Variants in COL4A3 observed in about 807,000 individuals in gnomAD.
COL4A3 encodes collagen type IV alpha 3 chain, also known as collagen alpha-3(IV) chain.
A neutral mutation model predicts 217.4 loss-of-function variants in COL4A3; 135 were observed. The observed-to-expected ratio is 0.62, with a 90% CI of 0.54 to 0.72. The LOEUF is 0.72. Among genes scored for constraint, COL4A3 ranks in the 30% least tolerant of loss-of-function variants. COL4A3 has a pLI of 0.00. For synonymous variants in COL4A3, 690 were observed against 736.3 expected (o/e 0.94, Z 1.02); for missense variants, 1,868 against 2,119.9 (o/e 0.88, Z 2.33).
At position 227,282,287 on chromosome 2, in the gene COL4A3, T is replaced by C. The variant is rs1052769608; in HGVS notation, c.2489-78T>C. 6.2e-5 allele frequency: 38 copies of C among 609,534 alleles called. No homozygotes were observed. The African/African-American group carries it at 7.9e-4, about 13-fold the overall frequency. The allele number at this position is 609,534 out of a possible 1,614,324, so 37.8% of individuals were successfully genotyped here. ...ATTCCATCTTAAAAATATATATATA[T>C]ATATATATATATATTTCTGAAGTTA... On this transcript the variant is annotated intron_variant, in intron 31 of 51. Transcript: ENST00000396578. This position sits in a 1 kb window ranked among gnomAD's most constrained non-coding sequence, Gnocchi z 4.4.
intron 2 of COL4A3, among the ~76,000 whole-genome samples, chr2:227,239,708 G>A (rs534048084): frequency 1.3e-3 from 204 of 152,262 alleles, no homozygotes; most frequent in Non-Finnish European, 6.6e-4. Flanking sequence ...AACCTGCCTG[G>A]TGGCGTTCTT....
chr2:227,297,798 C>A lies in COL4A3; in HGVS notation c.3690C>A (p.Pro1230=). ...GATTCCCAGGGCCACCAGGTCTGCC[C>A]GGTGCAATTATCCCTGGCCAGACAG... ...IEGFPGPPGL[P]GAIIPGQTGN... is the part of the protein sequence containing the mutation. The change falls in exon 42 of 52, where the codon CCC becomes CCA. Residue 1230 remains proline (P), a synonymous_variant. Coordinates refer to ENST00000396578, the MANE Select transcript of COL4A3 (RefSeq NM_000091.5). The A allele has an allele frequency of 6.4e-7, 1 of 1,574,316 alleles. No individual in the cohort carries two copies. Among genetic ancestry groups the A allele is most frequent in the South Asian group, 1.2e-5 (1 of 85,690 alleles).
intron 1 of COL4A3, among the ~76,000 whole-genome samples, chr2:227,184,753 C>T (rs533868886): frequency 9.9e-5 from 15 of 152,138 alleles, no homozygotes; most frequent in South Asian, 6.2e-4. Flanking sequence ...AGTTCATACC[C>T]GAACCAGATA....
At position 227,295,376 on chromosome 2, in the gene COL4A3, A is replaced by G. The variant is rs531410264; in HGVS notation, c.3565+60A>G. The G allele has an allele frequency of 4.9e-5, 69 of 1,420,832 alleles. 1 individual carries two copies. In the South Asian group the frequency reaches 7.9e-4, roughly 16 times the overall value. 88.0% of individuals were successfully genotyped at this position (1,420,832 alleles called of 1,614,324 possible). On this transcript the variant is annotated intron_variant, in intron 41 of 51. Transcript: ENST00000396578. The stretch of plus-strand genomic sequence containing the variant: ...ATTTTCAAGGAGAGAAAGCAGTTGA[A>G]TATGCTTGAAATATAAAGTAAGCTT...
At position 227,307,907 on chromosome 2, in the gene COL4A3, G is replaced by A. The variant is rs976882559; in HGVS notation, c.4450G>A (p.Gly1484Arg). ...LFVQGNQRAH[G>R]QDLGTLGSCL... ...TGTACAAGGAAATCAACGAGCCCAC[G>A]GACAAGACCTTGGTAATGTCCCAGT... Residue 1484 changes from glycine to arginine, a missense_variant, in exon 48 of 52, where the codon GGA becomes AGA. Coordinates refer to ENST00000396578, the MANE Select transcript of COL4A3 (RefSeq NM_000091.5). The A allele has an allele frequency of 2.2e-5, 36 of 1,613,886 alleles. No homozygotes were observed. Among genetic ancestry groups the A allele is most frequent in the Middle Eastern group, 1.7e-4 (1 of 6,018 alleles).
chr2:227,192,345 G>T (rs761759231), intron 1 of COL4A3, among the ~76,000 whole-genome samples: 1 of 152,160 alleles, frequency 6.6e-6, no homozygotes, highest in Non-Finnish European at 1.5e-5. Context: ...TGCACATAAT[G>T]CTTTGAAATG....
rs745540374 is a variant in COL4A3 at position 227,248,469 on chromosome 2, A to G, written c.495A>G (p.Ile165Met). The change falls in exon 9 of 52, where the codon ATA (isoleucine) becomes ATG (methionine). Residue 165 changes from isoleucine (I) to methionine (M), a missense_variant. Transcript: ENST00000396578. ...GTGCTCCTGCTAAAGAAGAAGATAT[A>G]GAACTTGATGCAAAAGGCGACCCCG... ...QKGAPAKEEDIELDAKGDPGL... is the reference protein window; with the variant it reads ...QKGAPAKEEDMELDAKGDPGL... 1 of 1,613,038 alleles carries G rather than the reference A, an allele frequency of 6.2e-7. No individual in the cohort carries two copies. Among genetic ancestry groups the G allele is most frequent in the East Asian group, 2.2e-5 (1 of 44,874 alleles).
intron 20 of COL4A3, among the ~76,000 whole-genome samples, 177 bp from the exon 21 acceptor site, chr2:227,263,603 T>A (rs967088597): frequency 1.3e-5 from 2 of 152,248 alleles, no homozygotes; most frequent in African/African-American, 4.8e-5. Context: ...CTGTGGTTAT[T>A]TAACAAGGCC....
chr2:227,287,614 A>G (rs2072416098), intron 34 of COL4A3, among the ~76,000 whole-genome samples: 1 of 152,216 alleles, frequency 6.6e-6, no homozygotes, highest in Admixed American at 6.5e-5. Context: ...TTGTAAAACA[A>G]AACAATCTAA....
intron 20 of COL4A3, among the ~76,000 whole-genome samples, chr2:227,261,631 C>A (rs77328095): frequency 0.031 from 4,741 of 152,294 alleles, 125 homozygotes; most frequent in Admixed American, 0.046. Flanking sequence ...TGCTCTTTTT[C>A]TCTTCTCAGC....
chr2:227,279,388 A>T (rs1184352874), intron 28 of COL4A3: 1 of 164,550 alleles, frequency 6.1e-6, no homozygotes, highest in Non-Finnish European at 1.3e-5. Flanking sequence ...AAGTGCTGGG[A>T]TTATAGGTGT....
At chr2:227,227,040 T>A (rs939050270) in intron 1 of COL4A3, among the ~76,000 whole-genome samples, 2 of 152,234 alleles carry the variant, frequency 1.3e-5, no homozygotes, top group Non-Finnish European at 2.9e-5. Context: ...AAAATGTTAT[T>A]TCTCTCTTAA....
chr2:227,189,697 T>C (rs979613577), intron 1 of COL4A3, among the ~76,000 whole-genome samples: 1 of 152,178 alleles, frequency 6.6e-6, no homozygotes, highest in Non-Finnish European at 1.5e-5. Flanking sequence ...CCATTCAAAA[T>C]AGAGTAAACC....
chr2:227,295,177 A>C (rs2106236648), intron 40 of COL4A3, 92 bp from the exon 41 acceptor site: 1 of 1,510,198 alleles, frequency 6.6e-7, no homozygotes, highest in Non-Finnish European at 9.2e-7. Context: ...GATTATCTTT[A>C]ACATGTTTTC....
At chr2:227,178,557 C>T (rs2065767276) in intron 1 of COL4A3, among the ~76,000 whole-genome samples, 1 of 151,756 alleles carries the variant, frequency 6.6e-6, no homozygotes, top group South Asian at 2.1e-4. Flanking sequence ...TTTTTTGAGA[C>T]AGAGTCACTC....
chr2:227,210,433 A>C (rs2067269557), intron 1 of COL4A3, among the ~76,000 whole-genome samples: 1 of 149,546 alleles, frequency 6.7e-6, no homozygotes, highest in Non-Finnish European at 1.5e-5. Flanking sequence ...TCTACTAAAA[A>C]TAAAAAATTA....
At chr2:227,299,107 T>A (rs2073164960) in intron 43 of COL4A3, among the ~76,000 whole-genome samples, 1 of 151,966 alleles carries the variant, frequency 6.6e-6, no homozygotes, top group African/African-American at 2.4e-5. Flanking sequence ...TATAAAACCA[T>A]CAGATCGGCC....
At chr2:227,245,723 G>A (rs1050721954) in intron 5 of COL4A3, 21 of 580,664 alleles carry the variant, frequency 3.6e-5, no homozygotes, top group East Asian at 1.5e-4. Context: ...GATAAAAGGC[G>A]TTTGCTTTAT....
At chr2:227,300,239 C>T (rs1330488193) in intron 43 of COL4A3, among the ~76,000 whole-genome samples, 1 of 152,154 alleles carries the variant, frequency 6.6e-6, no homozygotes, top group African/African-American at 2.4e-5. Context: ...GGAATCAGAC[C>T]TAAAATTCCA....
Sources: gnomAD v4.1 joint callset for allele counts (sites outside exome capture counted in the v4.1 genomes callset) on GRCh38, gnomAD v4.1.1 for gene constraint, Gnocchi (gnomAD v3.1) non-coding constraint, MANE v1.5 for transcripts, NCBI Gene and HGNC (gene_info 2026-07-23, HGNC 2026-07-21) for gene names.